YAE1: variants seen among roughly 807,000 people sequenced by gnomAD.
The protein encoded by YAE1 is protein YAE1 homolog.
YAE1 carries 22 observed loss-of-function variants against 23.0 expected under a neutral mutation model. The ratio of observed to expected loss-of-function variants is 0.96; its 90% confidence interval spans 0.68 to 1.37. YAE1 has a LOEUF of 1.37. Ranked by LOEUF, YAE1 falls within the 40% of genes most tolerant of loss-of-function variation. YAE1 has a pLI of 0.00. For synonymous variants in YAE1, 101 were observed against 97.0 expected (o/e 1.04, Z -0.24); for missense variants, 260 against 262.1 (o/e 0.99, Z 0.06).
intron 1 of YAE1, chr7:39,570,069 C>A: frequency 8.1e-7 from 1 of 1,231,950 alleles, no homozygotes; most frequent in Non-Finnish European, 1.2e-6. Flanking sequence ...CAGCCTCCTT[C>A]CAGCAGCTCT....
chr7:39,606,182 C>CA (rs996993455), intron 2 of YAE1, among the ~76,000 whole-genome samples: 21 of 149,328 alleles, frequency 1.4e-4, no homozygotes, highest in South Asian at 8.4e-4. Flanking sequence ...TTTTTGTGCT[C>CA]AAAAAAAATA....
rs531796527 is a variant in YAE1 at position 39,596,104 on chromosome 7, G to C, written c.252-13513G>C. Among the ~76,000 whole-genome samples the C allele has an allele frequency of 9.2e-5, 14 of 152,292 alleles. No homozygotes were observed. In the South Asian group the frequency reaches 2.9e-3, roughly 32 times the overall value. On this transcript the variant is annotated intron_variant, in intron 2 of 2. Transcript: ENST00000432096. ...CCATCATCAAACTAATTTTATTTTA[G>C]AGTTTGCAAAAGAGAGGCATTTATC...
chr7:39,576,388 G>A (rs1790657186), downstream of YAE1, among the ~76,000 whole-genome samples: 1 of 151,994 alleles, frequency 6.6e-6, no homozygotes, highest in South Asian at 2.1e-4. Context: ...TGTTTTTCAG[G>A]TCTTGGCCCA....
intron 2 of YAE1, among the ~76,000 whole-genome samples, chr7:39,581,746 C>G (rs931578403): frequency 1.3e-5 from 2 of 151,844 alleles, no homozygotes; most frequent in Non-Finnish European, 2.9e-5. Flanking sequence ...TAGTGCACAC[C>G]TATGGTCCCA....
intron 2 of YAE1, among the ~76,000 whole-genome samples, chr7:39,594,414 C>G: frequency 6.6e-6 from 1 of 152,162 alleles, no homozygotes; most frequent in South Asian, 2.1e-4. Flanking sequence ...GGTAAAGAGT[C>G]ATAAGAAATG....
intron 2 of YAE1, 92 bp from the exon 3 acceptor site, chr7:39,572,179 TTTATGA>T (rs1443364502): frequency 2.1e-5 from 27 of 1,283,492 alleles, no homozygotes; most frequent in Non-Finnish European, 2.8e-5. Context: ...TATAAACAGT[TTTATGA>T]TTAAGTCCAA....
chr7:39,606,421 T>A (rs1419611706), intron 2 of YAE1, among the ~76,000 whole-genome samples: 1 of 152,236 alleles, frequency 6.6e-6, no homozygotes, highest in Non-Finnish European at 1.5e-5. Context: ...AGAAACCTCA[T>A]GTACATTCAA....
downstream of YAE1, among the ~76,000 whole-genome samples, chr7:39,611,440 G>C (rs1791215171): frequency 6.6e-6 from 1 of 152,204 alleles, no homozygotes; most frequent in Non-Finnish European, 1.5e-5. Flanking sequence ...TTTGCTCGGG[G>C]GCATAAGGTA....
At chr7:39,592,802 T>C (rs912161308) in intron 2 of YAE1, among the ~76,000 whole-genome samples, 1 of 152,232 alleles carries the variant, frequency 6.6e-6, no homozygotes, top group Non-Finnish European at 1.5e-5. Context: ...TTTTCAGTAG[T>C]TTCATTACAA....
At chr7:39,573,126 CACAG>C (rs1790600010), downstream of YAE1, among the ~76,000 whole-genome samples, 3 of 152,110 alleles carry the variant, frequency 2.0e-5, no homozygotes, top group East Asian at 1.9e-4. Flanking sequence ...AATATAGACA[CACAG>C]ACAGATATAT....
At chr7:39,596,573 T>G (rs1394297214) in intron 2 of YAE1, among the ~76,000 whole-genome samples, 1 of 152,172 alleles carries the variant, frequency 6.6e-6, no homozygotes, top group Non-Finnish European at 1.5e-5. Flanking sequence ...CCTCATTATG[T>G]AGCTTAAATG....
At chr7:39,610,324 A>C, downstream of YAE1, 1 of 484,998 alleles carries the variant, frequency 2.1e-6, no homozygotes, top group Non-Finnish European at 4.0e-6. Flanking sequence ...ACCTCAAGGC[A>C]TGGTTGCTAT....
At chr7:39,576,963 C>T (rs1033384850), downstream of YAE1, among the ~76,000 whole-genome samples, 2 of 152,268 alleles carry the variant, frequency 1.3e-5, no homozygotes, top group Middle Eastern at 3.4e-3. Context: ...GGCGCAATCT[C>T]GGCTCACTAC....
At chr7:39,575,575 A>AGT (rs1554291556), downstream of YAE1, among the ~76,000 whole-genome samples, 49 of 81,770 alleles carry the variant, frequency 6.0e-4, no homozygotes, top group African/African-American at 2.6e-3. Flanking sequence ...AGAGAGAGAG[A>AGT]GAGTGAGTGT....
chr7:39,570,585 C>A lies in YAE1; in HGVS notation c.209C>A (p.Ala70Glu), dbSNP rs1490357840. ...QGFNQGYKKG[A>E]EVILNYGRLR... The stretch of plus-strand genomic sequence containing the variant: ...TTCAATCAAGGTTATAAGAAAGGTG[C>A]AGAAGTCATTTTAAACTATGGACGA... Residue 70 changes from alanine (A) to glutamate (E), a missense_variant, in exon 2 of 3, where the codon GCA becomes GAA. By Grantham distance (107) the Ala-to-Glu change is moderately radical. Coordinates refer to ENST00000223273, the MANE Select transcript of YAE1 (RefSeq NM_020192.5). 23 of 1,607,368 alleles carry A rather than the reference C, an allele frequency of 1.4e-5. No individual in the cohort carries two copies. Among genetic ancestry groups the A allele is most frequent in the Non-Finnish European group, 2.0e-5 (23 of 1,178,752 alleles).
chr7:39,574,679 G>A (rs1583670189), downstream of YAE1, among the ~76,000 whole-genome samples: 1 of 145,422 alleles, frequency 6.9e-6, no homozygotes, highest in East Asian at 2.1e-4. Context: ...GTTGCAGTGA[G>A]CCAAGATTGT....
At chr7:39,608,892 C>G (rs770458455) in intron 2 of YAE1, among the ~76,000 whole-genome samples, 1 of 152,096 alleles carries the variant, frequency 6.6e-6, no homozygotes, top group Non-Finnish European at 1.5e-5. Flanking sequence ...TTAAAACAAC[C>G]AATACTCATT....
rs1403164647 is a variant in YAE1 at position 39,609,549 on chromosome 7, T to C, written c.252-68T>C. 7 of 1,489,040 alleles carry C rather than the reference T, an allele frequency of 4.7e-6. No homozygotes were observed. The Admixed American group carries it at 1.3e-4, about 27-fold the overall frequency. The allele number at this position is 1,489,040 out of a possible 1,614,324, so 92.2% of individuals were successfully genotyped here. A position where few individuals can be genotyped will look rare whatever the true frequency, so the allele number is the denominator to read the frequency against. On this transcript the variant is annotated intron_variant, in intron 2 of 2. Transcript: ENST00000432096. Reference sequence around the variant, plus strand: ...TGATGATGTTATCGAATTGGGAGAATGGGGAAAGTTGTGGGGACAGTGATA... The same window carrying C: ...TGATGATGTTATCGAATTGGGAGAACGGGGAAAGTTGTGGGGACAGTGATA...
intron 2 of YAE1, among the ~76,000 whole-genome samples, chr7:39,608,166 G>A (rs1791157331): frequency 6.6e-6 from 1 of 152,174 alleles, no homozygotes. Flanking sequence ...TGTTATAAAG[G>A]TATAAAGGTA....
Sources: gnomAD v4.1 joint callset for allele counts (sites outside exome capture counted in the v4.1 genomes callset) on GRCh38, gnomAD v4.1.1 for gene constraint, MANE v1.5 for transcripts, NCBI Gene and HGNC (gene_info 2026-07-23, HGNC 2026-07-21) for gene names.